ZFAT: variants seen among roughly 807,000 people sequenced by gnomAD.
ZFAT encodes zinc finger and AT-hook domain containing, also known as zinc finger protein ZFAT.
In ZFAT, 64 loss-of-function variants were observed where a neutral mutation model predicts 117.7. The ratio of observed to expected loss-of-function variants is 0.54; its 90% CI spans 0.44 to 0.67. The LOEUF is 0.67. ZFAT is among the 30% of genes least tolerant of loss of function. The pLI is 0.00. For synonymous variants in ZFAT, 679 were observed against 615.0 expected (o/e 1.10, Z -1.54); for missense variants, 1,433 against 1,584.5 (o/e 0.90, Z 1.62).
intron 1 of ZFAT, among the ~76,000 whole-genome samples, chr8:134,703,261 C>T (rs572222184): frequency 1.3e-5 from 2 of 152,314 alleles, no homozygotes; most frequent in East Asian, 3.9e-4. Flanking sequence ...TGATATTAAG[C>T]ATCTTTTCAT....
intron 1 of ZFAT, among the ~76,000 whole-genome samples, chr8:134,669,631 C>T (rs1832448768): frequency 6.6e-6 from 1 of 152,184 alleles, no homozygotes. Context: ...ACAACCGGTA[C>T]CAGCCACTGC....
At chr8:134,758,325 AAAAAC>A in the ZFAT span, among the ~76,000 whole-genome samples, 2 of 151,704 alleles carry the variant, frequency 1.3e-5, no homozygotes, top group Non-Finnish European at 2.9e-5. Context: ...TACAGTGGAA[AAAAAC>A]AAAACAAAAC....
At chr8:134,712,815 CGT>C (rs1563780985) in intron 1 of ZFAT, 28 bp downstream of exon 1, 789 of 1,127,486 alleles carry the variant, frequency 7.0e-4, no homozygotes, top group Middle Eastern at 8.9e-4. Flanking sequence ...ACCCCCACCC[CGT>C]CTCACCCCAA....
rs1294451941 is a variant in ZFAT, at chr8:134,602,680, G to A, written c.1039C>T (p.Arg347Ter). The A allele has an allele frequency of 3.7e-6, 6 of 1,614,178 alleles. No homozygotes were observed. The highest frequency in any genetic ancestry group is 5.1e-6 in the Non-Finnish European group (6 of 1,180,038). The part of the protein sequence containing the change: ...SKGHLKVHIE[R>*]VHKKIKQHCR... ...TGCTGCTTGATCTTCTTGTGCACTC[G>A]CTCGATGTGCACCTTGAGGTGGCCC... Residue 347 changes from arginine to a stop codon, truncating the protein, a stop_gained, in exon 6 of 16, where the codon CGA becomes TGA. Coordinates refer to ENST00000377838, the MANE Select transcript of ZFAT (RefSeq NM_020863.4). LOFTEE classifies it high-confidence loss of function.
chr8:134,674,328 T>C (rs1043759259), intron 1 of ZFAT, among the ~76,000 whole-genome samples: 1 of 152,172 alleles, frequency 6.6e-6, no homozygotes, highest in Non-Finnish European at 1.5e-5. Context: ...CCCTAGAGCC[T>C]AGCAAGCTAA....
chr8:134,510,588 T>G (rs1490683907), intron 14 of ZFAT: 3 of 164,986 alleles, frequency 1.8e-5, no homozygotes, highest in Admixed American at 5.9e-5. Context: ...GGCGGACTTA[T>G]ATTCACAATG....
At chr8:134,543,319 T>C in intron 11 of ZFAT, among the ~76,000 whole-genome samples, 1 of 151,574 alleles carries the variant, frequency 6.6e-6, no homozygotes, top group South Asian at 2.1e-4. Flanking sequence ...TGGGGTCATG[T>C]ACAAATACCC....
intron 1 of ZFAT, among the ~76,000 whole-genome samples, chr8:134,677,429 T>A (rs1029760511): frequency 2.6e-5 from 4 of 152,030 alleles, no homozygotes; most frequent in Non-Finnish European, 5.9e-5. Context: ...AATAACAAGT[T>A]CTGAAATTGA....
intron 1 of ZFAT, among the ~76,000 whole-genome samples, chr8:134,675,670 G>A (rs965880223): frequency 6.6e-6 from 1 of 151,966 alleles, no homozygotes; most frequent in Non-Finnish European, 1.5e-5. Context: ...CACCAAGGTT[G>A]AAATGAAGGC....
chr8:134,506,004 T>C (rs1161656195), intron 15 of ZFAT, among the ~76,000 whole-genome samples: 1 of 152,202 alleles, frequency 6.6e-6, no homozygotes, highest in Non-Finnish European at 1.5e-5. Context: ...AATTTAATCA[T>C]AAGAACATCC....
At chr8:134,767,485 C>T in the ZFAT span, among the ~76,000 whole-genome samples, 1 of 152,132 alleles carries the variant, frequency 6.6e-6, no homozygotes, top group African/African-American at 2.4e-5. Context: ...CATGGTATAA[C>T]TTAATTCCAT....
chr8:134,656,877 G>T (rs1177732078), intron 2 of ZFAT, among the ~76,000 whole-genome samples: 1 of 152,166 alleles, frequency 6.6e-6, no homozygotes, highest in Non-Finnish European at 1.5e-5. Context: ...TGGTTTCTCT[G>T]ATCCGTGCAC....
At chr8:134,815,816 A>G in the ZFAT span, among the ~76,000 whole-genome samples, 4 of 152,178 alleles carry the variant, frequency 2.6e-5, no homozygotes, top group African/African-American at 9.7e-5. Flanking sequence ...TTCCCTGACT[A>G]CTTAGTCTGA....
At chr8:134,547,750 G>C (rs11167153) in intron 11 of ZFAT, among the ~76,000 whole-genome samples, 12,586 of 152,290 alleles carry the variant, frequency 0.083, 793 homozygotes, top group East Asian at 0.35. Context: ...TCTTTGCTAA[G>C]AGGAGGGCTC....
At chr8:134,704,016 C>T (rs1374665221) in intron 1 of ZFAT, among the ~76,000 whole-genome samples, 1 of 152,146 alleles carries the variant, frequency 6.6e-6, no homozygotes, top group Non-Finnish European at 1.5e-5. Flanking sequence ...TCTGTGGGGA[C>T]CATTTTCATG....
chr8:134,512,655 G>C (rs1819946129), intron 13 of ZFAT, 54 bp from the exon 14 acceptor site: 7 of 1,578,982 alleles, frequency 4.4e-6, no homozygotes, highest in Admixed American at 1.8e-5. Context: ...CTGTTGCCCA[G>C]AAGTTCCAAG....
the ZFAT span, among the ~76,000 whole-genome samples, chr8:134,733,414 G>A: frequency 2.0e-5 from 3 of 152,340 alleles, no homozygotes; most frequent in East Asian, 5.8e-4. Context: ...GGTTTTCTGG[G>A]TTCCTGAGAA....
the ZFAT span, among the ~76,000 whole-genome samples, chr8:134,749,247 A>G: frequency 6.6e-6 from 1 of 152,178 alleles, no homozygotes; most frequent in African/African-American, 2.4e-5. Context: ...ACTACCTTCA[A>G]AAGCTTAGTA....
chr8:134,547,865 C>T, intron 11 of ZFAT, among the ~76,000 whole-genome samples: 1 of 152,206 alleles, frequency 6.6e-6, no homozygotes, highest in Non-Finnish European at 1.5e-5. Flanking sequence ...TGGGACCATG[C>T]TTGGTTATCC....
Sources: gnomAD v4.1 joint callset for allele counts (sites outside exome capture counted in the v4.1 genomes callset) on GRCh38, gnomAD v4.1.1 for gene constraint, MANE v1.5 for transcripts, NCBI Gene and HGNC (gene_info 2026-07-23, HGNC 2026-07-21) for gene names.